GALR2: variants seen among roughly 807,000 people sequenced by gnomAD.
GALR2 encodes galanin receptor type 2.
GALR2 carries 5 observed loss-of-function variants against 7.2 expected under a neutral mutation model. That is an observed-to-expected ratio of 0.69 (90% confidence interval 0.36 to 1.45). The LOEUF (loss-of-function observed/expected upper bound fraction) is 1.45, where lower values mean the gene tolerates loss of function less well. GALR2 is among the 40% of genes most tolerant of loss of function. The probability of loss-of-function intolerance (pLI) is 0.03; values close to 1 mark genes in which losing one functional copy is unlikely to be tolerated. For synonymous variants in GALR2, 300 were observed against 263.9 expected (o/e 1.14, Z -1.32); for missense variants, 561 against 555.7 (o/e 1.01, Z -0.10).
Position 76,077,097 on chromosome 17 carries a change from C to G in GALR2, c.830C>G (p.Ser277Trp), listed in dbSNP as rs2066894036. The part of the protein sequence containing the change: ...TRATYALRIL[S>W]HLVSYANSCV... Reference sequence around the variant, plus strand: ...GCCACTTATGCGCTTCGCATCCTCTCGCACCTGGTCTCCTACGCCAACTCC... The same window carrying G: ...GCCACTTATGCGCTTCGCATCCTCTGGCACCTGGTCTCCTACGCCAACTCC... The change falls in exon 2 of 2, where the codon TCG becomes TGG. Residue 277 changes from serine (S) to tryptophan (W), a missense_variant. Ser to Trp is a radical substitution (Grantham distance 177). Transcript: ENST00000329003. The G allele has an allele frequency of 6.2e-7, 1 of 1,613,076 alleles. No individual in the cohort carries two copies. Among genetic ancestry groups the G allele is most frequent in the Non-Finnish European group, 8.5e-7 (1 of 1,179,902 alleles).
rs565014665 is a variant in GALR2, at chr17:76,077,003, T to C, written c.736T>C (p.Cys246Arg). ...GATCCTCATCGTGGCCGCGCTCTTC[T>C]GCCTCTGCTGGATGCCCCACCACGC... is the stretch of plus-strand genomic sequence containing the variant. ...RMILIVAALF[C>R]LCWMPHHALI... Residue 246 changes from cysteine to arginine, a missense_variant, in exon 2 of 2, where the codon TGC becomes CGC. Cys to Arg is a radical substitution (Grantham distance 180). Transcript: ENST00000329003. 21 of 1,610,754 alleles carry C rather than the reference T, an allele frequency of 1.3e-5. 1 individual carries two copies. In the South Asian group the frequency reaches 1.8e-4, roughly 13 times the overall value.
Position 76,077,107 on chromosome 17 carries a change from C to A in GALR2, c.840C>A (p.Val280=). 6.2e-7 allele frequency: 1 copy of A among 1,613,046 alleles called. No individual in the cohort carries two copies. The highest frequency in any genetic ancestry group is 8.5e-7 in the Non-Finnish European group (1 of 1,179,872). Residue 280 remains valine, a synonymous_variant, in exon 2 of 2, where the codon GTC becomes GTA. Transcript: ENST00000329003. The part of the protein sequence containing the change: ...TYALRILSHL[V]SYANSCVNPI... ...CGCTTCGCATCCTCTCGCACCTGGT[C>A]TCCTACGCCAACTCCTGCGTCAACC... is the stretch of plus-strand genomic sequence containing the variant.
At chr17:76,072,777 C>G (rs1319874846), upstream of GALR2, 3 of 553,712 alleles carry the variant, frequency 5.4e-6, no homozygotes, top group Non-Finnish European at 9.3e-6. This position sits in a 1 kb window ranked among gnomAD's most constrained non-coding sequence, Gnocchi z 4.5. Flanking sequence ...GGCGGAGAAC[C>G]GGAGGTGGAC....
Position 76,076,641 on chromosome 17 carries a change from T to TGGCA in GALR2, c.377_378insAGGC (p.Ile127GlyfsTer260), listed in dbSNP as rs771826385. The TGGCA allele has an allele frequency of 1.9e-6, 3 of 1,578,806 alleles. No homozygotes were observed. The highest frequency in any genetic ancestry group is 2.6e-6 in the Non-Finnish European group (3 of 1,166,674). On this transcript the variant is annotated frameshift_variant, in exon 2 of 2. Coordinates refer to ENST00000329003, the MANE Select transcript of GALR2 (RefSeq NM_003857.4). LOFTEE classifies it low-confidence loss of function (END_TRUNC). The surrounding 1 kb of genome is among the most constrained non-coding windows in gnomAD (Gnocchi z 6.5). ...CCTTCCCGGTCTGACCGCAGGTATC[T>TGGCA]GGCCATCCGCTACCCGCTGCACTCC...
At chr17:76,072,264 C>G, upstream of GALR2, 2 of 1,603,880 alleles carry the variant, frequency 1.2e-6, no homozygotes, top group Middle Eastern at 3.3e-4. This position sits in a 1 kb window ranked among gnomAD's most constrained non-coding sequence, Gnocchi z 4.5. Context: ...CCCTCCAGTT[C>G]GACACGTAAT....
chr17:76,072,283 G>A (rs776246406), upstream of GALR2: 1 of 1,607,968 alleles, frequency 6.2e-7, no homozygotes, highest in Non-Finnish European at 8.5e-7. The surrounding 1 kb of genome is among the most constrained non-coding windows in gnomAD (Gnocchi z 4.5). Flanking sequence ...ATCATTGCGA[G>A]TTAGGCCCGA....
upstream of GALR2, chr17:76,072,113 G>T: frequency 9.2e-7 from 1 of 1,091,946 alleles, no homozygotes; most frequent in Non-Finnish European, 1.3e-6. This position sits in a 1 kb window ranked among gnomAD's most constrained non-coding sequence, Gnocchi z 4.5. Flanking sequence ...CCAGGACGGC[G>T]AGGGGGACAC....
upstream of GALR2, among the ~76,000 whole-genome samples, chr17:76,073,681 C>G (rs1390251837): frequency 6.7e-6 from 1 of 150,268 alleles, no homozygotes; most frequent in Non-Finnish European, 1.5e-5. Context: ...ATTTAACTAA[C>G]TCTCCCATAC....
At chr17:76,074,597 C>T (rs908820539), upstream of GALR2, among the ~76,000 whole-genome samples, 1 of 152,238 alleles carries the variant, frequency 6.6e-6, no homozygotes, top group African/African-American at 2.4e-5. This position sits in a 1 kb window ranked among gnomAD's most constrained non-coding sequence, Gnocchi z 6.7. Context: ...GAAGCAGGTA[C>T]AAGCGCCACT....
In GALR2 at chr17:76,076,922, G is replaced by A. The variant is rs747308090; in HGVS notation, c.655G>A (p.Asp219Asn). 1.9e-6 allele frequency: 3 copies of A among 1,601,918 alleles called. No individual in the cohort carries two copies. Among genetic ancestry groups the A allele is most frequent in the East Asian group, 2.2e-5 (1 of 44,802 alleles). The change falls in exon 2 of 2, where the codon GAC becomes AAC. Residue 219 changes from aspartate to asparagine, a missense_variant. Coordinates refer to ENST00000329003, the MANE Select transcript of GALR2 (RefSeq NM_003857.4). This position sits in a 1 kb window ranked among gnomAD's most constrained non-coding sequence, Gnocchi z 6.5. ...CTTGCGCTACCTCTGGCGCGCCGTC[G>A]ACCCGGTGGCCGCGGGCTCGGGTGC... Reference protein sequence around the residue: ...RTLRYLWRAVDPVAAGSGARR... With the variant: ...RTLRYLWRAVNPVAAGSGARR...
At position 76,075,025 on chromosome 17, in the gene GALR2, G is replaced by A. The variant is rs776953679; in HGVS notation, c.142G>A (p.Ala48Thr). Residue 48 changes from alanine to threonine, a missense_variant, in exon 1 of 2, where the codon GCG (alanine) becomes ACG (threonine). Coordinates refer to ENST00000329003, the MANE Select transcript of GALR2 (RefSeq NM_003857.4). The surrounding 1 kb of genome is among the most constrained non-coding windows in gnomAD (Gnocchi z 5.9). ...CACCGTGGGCAACACGCTGGTGCTG[G>A]CGGTGCTGCTGCGCGGCGGCCAGGC... ...VGTVGNTLVL[A>T]VLLRGGQAVS... 3 of 1,610,006 alleles carry A rather than the reference G, an allele frequency of 1.9e-6. No individual in the cohort carries two copies. The highest frequency in any genetic ancestry group is 2.2e-5 in the South Asian group (2 of 90,990).
upstream of GALR2, chr17:76,072,154 C>T: frequency 7.0e-7 from 1 of 1,435,972 alleles, no homozygotes; most frequent in Non-Finnish European, 9.4e-7. The surrounding 1 kb of genome is among the most constrained non-coding windows in gnomAD (Gnocchi z 4.5). Context: ...ACAGACCCCC[C>T]CCGGAATTCT....
upstream of GALR2, chr17:76,072,651 G>C: frequency 7.4e-7 from 1 of 1,359,226 alleles, no homozygotes; most frequent in Non-Finnish European, 9.6e-7. The surrounding 1 kb of genome is among the most constrained non-coding windows in gnomAD (Gnocchi z 4.5). Context: ...GCGCCTGCGC[G>C]AGGGATCCTG....
In GALR2 at chr17:76,075,027, G is replaced by A; in HGVS notation, c.144G>A (p.Ala48=). ...VGTVGNTLVL[A]VLLRGGQAVS... is the part of the protein sequence containing the mutation. ...CCGTGGGCAACACGCTGGTGCTGGC[G>A]GTGCTGCTGCGCGGCGGCCAGGCGG... is the stretch of plus-strand genomic sequence containing the variant. Residue 48 remains alanine (A), a synonymous_variant, in exon 1 of 2, where the codon GCG becomes GCA. Transcript: ENST00000329003. This position sits in a 1 kb window ranked among gnomAD's most constrained non-coding sequence, Gnocchi z 5.9. The A allele has an allele frequency of 1.9e-6, 3 of 1,610,138 alleles. No homozygotes were observed. Among genetic ancestry groups the A allele is most frequent in the South Asian group, 1.1e-5 (1 of 90,994 alleles).
At chr17:76,072,197 A>C, upstream of GALR2, 2 of 1,564,614 alleles carry the variant, frequency 1.3e-6, no homozygotes, top group Non-Finnish European at 1.7e-6. The surrounding 1 kb of genome is among the most constrained non-coding windows in gnomAD (Gnocchi z 4.5). Flanking sequence ...GAGAAACTGC[A>C]ACCCTCGGCC....
rs771579313 is a variant in GALR2 at position 76,077,094 on chromosome 17, T to A, written c.827T>A (p.Leu276His). 2 of 1,613,084 alleles carry A rather than the reference T, an allele frequency of 1.2e-6. No homozygotes were observed. Among genetic ancestry groups the A allele is most frequent in the Non-Finnish European group, 1.7e-6 (2 of 1,179,912 alleles). Residue 276 changes from leucine to histidine, a missense_variant, in exon 2 of 2, where the codon CTC becomes CAC. Transcript: ENST00000329003. Reference protein sequence around the residue: ...LTRATYALRILSHLVSYANSC... With the variant: ...LTRATYALRIHSHLVSYANSC... ...CGCGCCACTTATGCGCTTCGCATCC[T>A]CTCGCACCTGGTCTCCTACGCCAAC... is the stretch of plus-strand genomic sequence containing the variant.
In GALR2 at chr17:76,074,952, C is replaced by T. The variant is rs775993279; in HGVS notation, c.69C>T (p.Pro23=). 6 of 1,578,414 alleles carry T rather than the reference C, an allele frequency of 3.8e-6. No individual in the cohort carries two copies. The Admixed American group carries it at 5.3e-5, about 14-fold the overall frequency. Residue 23 remains proline, a synonymous_variant, in exon 1 of 2, where the codon CCC becomes CCT. Coordinates refer to ENST00000329003, the MANE Select transcript of GALR2 (RefSeq NM_003857.4). This position sits in a 1 kb window ranked among gnomAD's most constrained non-coding sequence, Gnocchi z 6.7. ...SQAGGGGGWH[P]EAVIVPLLFA... Reference sequence around the variant, plus strand: ...CGGGCGGCGGGGGAGGCTGGCACCCCGAGGCGGTCATCGTGCCCCTGCTCT... The same window carrying T: ...CGGGCGGCGGGGGAGGCTGGCACCCTGAGGCGGTCATCGTGCCCCTGCTCT...
upstream of GALR2, chr17:76,072,766 G>C (rs1396900317): frequency 1.7e-6 from 1 of 577,804 alleles, no homozygotes; most frequent in African/African-American, 2.0e-5. The surrounding 1 kb of genome is among the most constrained non-coding windows in gnomAD (Gnocchi z 4.5). Context: ...CACCCACTAA[G>C]GGCGGAGAAC....
Position 76,076,798 on chromosome 17 carries a change from C to A in GALR2, c.531C>A (p.Pro177=). 1 of 1,605,772 alleles carries A rather than the reference C, an allele frequency of 6.2e-7. No individual in the cohort carries two copies. Residue 177 remains proline, a synonymous_variant, in exon 2 of 2, where the codon CCC becomes CCA. Transcript: ENST00000329003. The surrounding 1 kb of genome is among the most constrained non-coding windows in gnomAD (Gnocchi z 6.5). ...TGGCCAACCTGACCGTGTGCCATCCCGCGTGGAGCGCCCCTCGCCGCCGCG... is the reference window on the plus strand; with the variant it reads ...TGGCCAACCTGACCGTGTGCCATCCAGCGTGGAGCGCCCCTCGCCGCCGCG... ...SQLANLTVCH[P]AWSAPRRRAM...
Sources: gnomAD v4.1 joint callset for allele counts (sites outside exome capture counted in the v4.1 genomes callset) on GRCh38, gnomAD v4.1.1 for gene constraint, Gnocchi (gnomAD v3.1) non-coding constraint, MANE v1.5 for transcripts, NCBI Gene and HGNC (gene_info 2026-07-23, HGNC 2026-07-21) for gene names.